ENTHD1: variants seen among roughly 807,000 people sequenced by gnomAD.
ENTHD1 encodes the protein ENTH domain-containing protein 1.
In ENTHD1, 23 loss-of-function variants were observed where a neutral mutation model predicts 39.1. The observed-to-expected ratio is 0.59, with a 90% CI of 0.42 to 0.83. ENTHD1 has a LOEUF of 0.83. Ranked by LOEUF, ENTHD1 falls within the 40% of genes least tolerant of loss-of-function variation. The pLI is 0.00. For missense variants in ENTHD1, 624 were observed against 705.4 expected (o/e 0.88, Z 1.31); for synonymous variants, 230 against 258.2 (o/e 0.89, Z 1.05).
Position 39,887,893 on chromosome 22 carries a change from G to A in ENTHD1, c.-145C>T, listed in dbSNP as rs1372977074. 6 of 569,244 alleles carry A rather than the reference G, an allele frequency of 1.1e-5. No individual in the cohort carries two copies. The highest frequency in any genetic ancestry group is 1.7e-5 in the Non-Finnish European group (6 of 346,922). The allele number at this position is 569,244 out of a possible 1,614,324, so 35.3% of individuals were successfully genotyped here. On this transcript the variant is annotated 5_prime_UTR_variant, in exon 2 of 7. Coordinates refer to ENST00000325157, the MANE Select transcript of ENTHD1 (RefSeq NM_152512.4). Reference sequence around the variant, plus strand: ...AATAATTAATCTCTATGTTGATAAAGTATCAATTTCCTGCAAGGAAAGCAC... The same window carrying A: ...AATAATTAATCTCTATGTTGATAAAATATCAATTTCCTGCAAGGAAAGCAC...
chr22:39,830,916 AAATT>A (rs1443906316), intron 4 of ENTHD1, among the ~76,000 whole-genome samples: 4 of 152,252 alleles, frequency 2.6e-5, no homozygotes, highest in Non-Finnish European at 5.9e-5. Context: ...GCAAATGTGA[AAATT>A]AAAAAGATAC....
intron 5 of ENTHD1, among the ~76,000 whole-genome samples, chr22:39,809,621 C>G (rs1275619576): frequency 6.6e-6 from 1 of 152,186 alleles, no homozygotes; most frequent in Non-Finnish European, 1.5e-5. Context: ...GCTCAGCCAC[C>G]TTTTAATTGC....
At chr22:39,889,406 T>G (rs1355259670) in intron 1 of ENTHD1, among the ~76,000 whole-genome samples, 4 of 152,186 alleles carry the variant, frequency 2.6e-5, no homozygotes, top group African/African-American at 9.7e-5. Context: ...TTATTTTGTA[T>G]TAAGGAGGGT....
intron 3 of ENTHD1, among the ~76,000 whole-genome samples, chr22:39,854,738 T>C (rs1488001375): frequency 6.6e-6 from 1 of 152,074 alleles, no homozygotes; most frequent in Non-Finnish European, 1.5e-5. Context: ...GTGATGTGTA[T>C]ATAACACCTT....
intron 6 of ENTHD1, among the ~76,000 whole-genome samples, chr22:39,760,172 A>G (rs1429950864): frequency 1.3e-5 from 2 of 152,022 alleles, no homozygotes; most frequent in African/African-American, 4.8e-5. Flanking sequence ...AGTTATTCAT[A>G]CTTTCTACAT....
At chr22:39,881,299 T>C (rs1407917680) in intron 2 of ENTHD1, among the ~76,000 whole-genome samples, 1 of 152,144 alleles carries the variant, frequency 6.6e-6, no homozygotes, top group African/African-American at 2.4e-5. Context: ...ATAAGTACAA[T>C]ATAGAATATC....
At chr22:39,858,362 G>A (rs1030219740) in intron 3 of ENTHD1, among the ~76,000 whole-genome samples, 18 of 152,036 alleles carry the variant, frequency 1.2e-4, no homozygotes, top group Non-Finnish European at 5.9e-5. Flanking sequence ...TGCTATTTCC[G>A]CCACATCTGC....
intron 5 of ENTHD1, among the ~76,000 whole-genome samples, chr22:39,814,159 A>G (rs1426179892): frequency 6.6e-6 from 1 of 152,146 alleles, no homozygotes; most frequent in African/African-American, 2.4e-5. Context: ...GAAACTTGAC[A>G]AACTTTCATG....
At chr22:39,841,284 T>C (rs1317011065) in intron 3 of ENTHD1, among the ~76,000 whole-genome samples, 1 of 152,186 alleles carries the variant, frequency 6.6e-6, no homozygotes, top group East Asian at 1.9e-4. Flanking sequence ...CATTGTAGGT[T>C]GGGTTCCCTA....
chr22:39,819,249 C>T (rs2065759304), intron 5 of ENTHD1, among the ~76,000 whole-genome samples: 1 of 151,986 alleles, frequency 6.6e-6, no homozygotes. Context: ...CCTGTAGTCC[C>T]AGCTACTTGG....
chr22:39,886,292 A>G (rs572196837), intron 2 of ENTHD1, among the ~76,000 whole-genome samples: 10 of 152,316 alleles, frequency 6.6e-5, no homozygotes, highest in East Asian at 3.9e-4. Context: ...AACACAGGAC[A>G]TATCTACTCT....
intron 2 of ENTHD1, among the ~76,000 whole-genome samples, chr22:39,878,817 A>G (rs1488687082): frequency 2.6e-5 from 4 of 152,140 alleles, no homozygotes; most frequent in African/African-American, 9.6e-5. Flanking sequence ...AATAATAGCA[A>G]CAATGTATTT....
rs566544407 is a variant in ENTHD1 at position 39,767,051 on chromosome 22, ACCTG to A, written c.833-1446_833-1443del. ...TCATATCTCATTTATCTTGTCCCCT[ACCTG>A]ACAAAAGTCTCCTTGAGGAGACCTT... On this transcript the variant is annotated intron_variant, in intron 5 of 6. Coordinates refer to ENST00000325157, the MANE Select transcript of ENTHD1 (RefSeq NM_152512.4). Among the ~76,000 whole-genome samples the A allele has an allele frequency of 5.9e-5, 9 of 152,118 alleles. No homozygotes were observed. In the East Asian group the frequency reaches 1.7e-3, roughly 29 times the overall value.
In ENTHD1 at chr22:39,817,320, CAG is replaced by C. The variant is rs1219819584; in HGVS notation, c.832+3671_832+3672del. Among the ~76,000 whole-genome samples, 7 of 152,118 alleles carry C rather than the reference CAG, an allele frequency of 4.6e-5. No homozygotes were observed. In the East Asian group the frequency reaches 1.3e-3, roughly 29 times the overall value. The stretch of plus-strand genomic sequence containing the variant: ...TTATTCACTGAAGCATTCTTTGTAA[CAG>C]TGAAAAACATCAAAATGTCATCAGC... On this transcript the variant is annotated intron_variant, in intron 5 of 6. Coordinates refer to ENST00000325157, the MANE Select transcript of ENTHD1 (RefSeq NM_152512.4).
Position 39,861,948 on chromosome 22 carries a change from GCAATGGTT to G in ENTHD1, c.401_408del (p.Glu134AlafsTer3), listed in dbSNP as rs778488492. ...CATGCCACTTCCCTCTCTTTACACA[GCAATGGTT>G]CATCCATCAGCAATGTGATGACTTG... On this transcript the variant is annotated frameshift_variant, in exon 3 of 7. Transcript: ENST00000325157. LOFTEE classifies it high-confidence loss of function. 6 of 1,581,052 alleles carry G rather than the reference GCAATGGTT, an allele frequency of 3.8e-6. No individual in the cohort carries two copies. The highest frequency in any genetic ancestry group is 5.2e-6 in the Non-Finnish European group (6 of 1,158,208).
At chr22:39,832,773 T>C (rs2065879189) in intron 4 of ENTHD1, among the ~76,000 whole-genome samples, 1 of 152,106 alleles carries the variant, frequency 6.6e-6, no homozygotes, top group Non-Finnish European at 1.5e-5. Context: ...GACACAGAGC[T>C]CTTTTGAACT....
At position 39,743,451 on chromosome 22, in the gene ENTHD1, A is replaced by G. The variant is rs1262087595; in HGVS notation, c.*228T>C. ...AGAATGAAATTCTCTTCTGTTTCAA[A>G]TGAACTAATATCTAAATCTGAAATT... On this transcript the variant is annotated 3_prime_UTR_variant, in exon 7 of 7. Transcript: ENST00000325157. 8 of 457,392 alleles carry G rather than the reference A, an allele frequency of 1.7e-5. No homozygotes were observed. Among genetic ancestry groups the G allele is most frequent in the Admixed American group, 4.0e-5 (1 of 24,950 alleles). 28.3% of individuals were successfully genotyped at this position (457,392 alleles called of 1,614,324 possible). A position where few individuals can be genotyped will look rare whatever the true frequency, so the allele number is the denominator to read the frequency against.
intron 3 of ENTHD1, among the ~76,000 whole-genome samples, chr22:39,856,852 C>CAA (rs34627331): frequency 1.0e-4 from 7 of 70,344 alleles, no homozygotes; most frequent in African/African-American, 2.2e-4. Flanking sequence ...GACCCTGTCT[C>CAA]AAAAAAAAAA....
At chr22:39,848,230 T>C (rs2066006573) in intron 3 of ENTHD1, among the ~76,000 whole-genome samples, 1 of 152,092 alleles carries the variant, frequency 6.6e-6, no homozygotes, top group Non-Finnish European at 1.5e-5. Context: ...GAGAAAACTC[T>C]CTGCTTTTAT....
Sources: gnomAD v4.1 joint callset for allele counts (sites outside exome capture counted in the v4.1 genomes callset) on GRCh38, gnomAD v4.1.1 for gene constraint, MANE v1.5 for transcripts, NCBI Gene and HGNC (gene_info 2026-07-23, HGNC 2026-07-21) for gene names.